The following KCNH8 variants were observed in gnomAD, a reference collection of about 807,000 sequenced individuals.
KCNH8 encodes voltage-gated delayed rectifier potassium channel KCNH8.
A neutral mutation model predicts 103.6 loss-of-function variants in KCNH8; 70 were observed. The observed-to-expected ratio is 0.68, with a 90% CI of 0.56 to 0.82. The LOEUF is 0.82. KCNH8 is among the 40% of genes least tolerant of loss of function. The pLI is 0.00. For synonymous variants in KCNH8, 498 were observed against 489.4 expected (o/e 1.02, Z -0.23); for missense variants, 1,217 against 1,329.9 (o/e 0.92, Z 1.32).
At chr3:19,280,834 A>C (rs2064746530) in intron 2 of KCNH8, among the ~76,000 whole-genome samples, 1 of 152,042 alleles carries the variant, frequency 6.6e-6, no homozygotes, top group South Asian at 2.1e-4. Flanking sequence ...AAAGGTCTTT[A>C]TTGAAGAACG....
At chr3:19,360,295 A>T (rs2065931755) in intron 5 of KCNH8, among the ~76,000 whole-genome samples, 1 of 152,070 alleles carries the variant, frequency 6.6e-6, no homozygotes, top group South Asian at 2.1e-4. Context: ...ACCGAATAGT[A>T]GAGTATAAAT....
At chr3:19,169,396 C>A (rs2063318398) in intron 1 of KCNH8, among the ~76,000 whole-genome samples, 1 of 151,818 alleles carries the variant, frequency 6.6e-6, no homozygotes, top group Non-Finnish European at 1.5e-5. Flanking sequence ...GTACCTGGGA[C>A]TACAGGCGCC....
chr3:19,260,422 T>C (rs1467987345), intron 2 of KCNH8, among the ~76,000 whole-genome samples: 1 of 143,130 alleles, frequency 7.0e-6, no homozygotes, highest in Admixed American at 7.2e-5. Flanking sequence ...ATAATTACAG[T>C]AAGAAACATT....
At chr3:19,224,298 T>C (rs1414267459) in intron 1 of KCNH8, among the ~76,000 whole-genome samples, 1 of 152,140 alleles carries the variant, frequency 6.6e-6, no homozygotes, top group African/African-American at 2.4e-5. Flanking sequence ...TTTCAATTAT[T>C]ATGTTTTTGG....
rs145953514 is a variant in KCNH8, at chr3:19,352,948, GT to G, written c.811+4992del. ...CAAAAAATCAATGAATCCAGGAGCT[GT>G]TTTTTTTTAAAAGATCAACAAAATT... On this transcript the variant is annotated intron_variant, in intron 5 of 15. Coordinates refer to ENST00000328405, the MANE Select transcript of KCNH8 (RefSeq NM_144633.3). Among the ~76,000 whole-genome samples, 473 of 151,060 alleles carry G rather than the reference GT, an allele frequency of 3.1e-3. 5 individuals are homozygous for G. The highest frequency in any genetic ancestry group is 0.019 in the East Asian group (100 of 5,140).
At chr3:19,325,122 G>T (rs2065404182) in intron 3 of KCNH8, among the ~76,000 whole-genome samples, 1 of 152,118 alleles carries the variant, frequency 6.6e-6, no homozygotes, top group South Asian at 2.1e-4. Flanking sequence ...TTCAATAAAT[G>T]GTGCTGGGAT....
chr3:19,519,733 C>T (rs1056305543), intron 15 of KCNH8, among the ~76,000 whole-genome samples: 1 of 151,794 alleles, frequency 6.6e-6, no homozygotes, highest in African/African-American at 2.4e-5. Flanking sequence ...GGATGTTAAC[C>T]TTCTGTTCAA....
At chr3:19,526,406 T>C (rs73034045) in intron 15 of KCNH8, among the ~76,000 whole-genome samples, 20 of 152,102 alleles carry the variant, frequency 1.3e-4, no homozygotes, top group Non-Finnish European at 2.9e-4. Context: ...ATAAAACGTA[T>C]GTAAAATGAA....
chr3:19,407,036 A>G (rs2066702525), intron 7 of KCNH8, among the ~76,000 whole-genome samples: 1 of 152,184 alleles, frequency 6.6e-6, no homozygotes. Context: ...CCAAACATCC[A>G]TGAAATAAAT....
chr3:19,447,232 GA>G (rs1408496066), intron 8 of KCNH8, among the ~76,000 whole-genome samples: 2 of 151,916 alleles, frequency 1.3e-5, no homozygotes, highest in Non-Finnish European at 2.9e-5. Flanking sequence ...AATAACTTTG[GA>G]AAATGAAAGG....
At chr3:19,230,199 A>G (rs2063978383) in intron 1 of KCNH8, among the ~76,000 whole-genome samples, 2 of 152,192 alleles carry the variant, frequency 1.3e-5, no homozygotes, top group Admixed American at 1.3e-4. Flanking sequence ...GGGAGTGGGA[A>G]TTATAGGAGT....
Position 19,381,444 on chromosome 3 carries a change from T to A in KCNH8, c.812-9037T>A, listed in dbSNP as rs192402115. 3.6e-3 allele frequency among the ~76,000 whole-genome samples: 552 copies of A among 152,252 alleles called. 4 individuals carry two copies. The highest frequency in any genetic ancestry group is 5.6e-3 in the Non-Finnish European group (378 of 67,994). On this transcript the variant is annotated intron_variant, in intron 5 of 15. Coordinates refer to ENST00000328405, the MANE Select transcript of KCNH8 (RefSeq NM_144633.3). ...TAAAAAATAAAGCTTTTAGAAGACA[T>A]CACAGTGGAGTATCTTAATGACCTT...
chr3:19,299,675 A>C (rs906273329), intron 3 of KCNH8, among the ~76,000 whole-genome samples: 1 of 152,040 alleles, frequency 6.6e-6, no homozygotes, highest in Non-Finnish European at 1.5e-5. Flanking sequence ...ATAAAAAATA[A>C]AAAAGTTTTA....
intron 1 of KCNH8, among the ~76,000 whole-genome samples, chr3:19,181,686 T>C (rs1298476741): frequency 6.6e-6 from 1 of 152,074 alleles, no homozygotes; most frequent in Non-Finnish European, 1.5e-5. Context: ...AACAAACAAA[T>C]TTAAAAAATC....
chr3:19,259,847 T>G (rs112512560), intron 2 of KCNH8, among the ~76,000 whole-genome samples: 20 of 151,910 alleles, frequency 1.3e-4, no homozygotes, highest in African/African-American at 4.8e-4. Context: ...TAACTGCCTT[T>G]CTTTTTTAAG....
At chr3:19,496,994 C>G (rs904258377) in intron 11 of KCNH8, among the ~76,000 whole-genome samples, 1 of 151,882 alleles carries the variant, frequency 6.6e-6, no homozygotes, top group Admixed American at 6.6e-5. Flanking sequence ...GTATATGTGT[C>G]CAGGAATTTA....
intron 7 of KCNH8, among the ~76,000 whole-genome samples, chr3:19,424,605 ATAGAT>A (rs1438247676): frequency 1.3e-5 from 2 of 152,162 alleles, no homozygotes; most frequent in Admixed American, 6.6e-5. Context: ...CAAAAAATAA[ATAGAT>A]TAGACCTCAT....
At chr3:19,170,671 TATAC>T (rs1288135803) in intron 1 of KCNH8, among the ~76,000 whole-genome samples, 2 of 142,820 alleles carry the variant, frequency 1.4e-5, no homozygotes, top group African/African-American at 5.5e-5. Flanking sequence ...CACACATATA[TATAC>T]ACACACACAT....
At chr3:19,158,066 A>T (rs1336139100) in intron 1 of KCNH8, among the ~76,000 whole-genome samples, 2 of 151,468 alleles carry the variant, frequency 1.3e-5, no homozygotes, top group Non-Finnish European at 3.0e-5. Context: ...AATTTTTAAA[A>T]CATATCCCAT....
Sources: allele counts gnomAD v4.1 joint callset (sites outside exome capture counted in the v4.1 genomes callset), GRCh38; gene constraint gnomAD v4.1.1; transcripts MANE v1.5; gene names NCBI Gene and HGNC (gene_info 2026-07-23, HGNC 2026-07-21).